SRPK2: variants seen among roughly 807,000 people sequenced by gnomAD.
The protein encoded by SRPK2 is SFRS protein kinase 2.
SRPK2 carries 21 observed loss-of-function variants against 90.8 expected under a neutral mutation model. The observed-to-expected ratio is 0.23, with a 90% CI of 0.16 to 0.33. SRPK2 has a LOEUF of 0.33. SRPK2 is among the 10% of genes least tolerant of loss of function. The pLI, the probability that SRPK2 is intolerant of heterozygous loss-of-function variation, is 1.00. For missense variants in SRPK2, 620 were observed against 869.0 expected (o/e 0.71, Z 3.60); for synonymous variants, 288 against 311.1 (o/e 0.93, Z 0.78).
chr7:105,168,175 C>G, intron 4 of SRPK2, 80 bp from the exon 5 acceptor site: 2 of 1,205,742 alleles, frequency 1.7e-6, no homozygotes, highest in East Asian at 5.2e-5. Context: ...TTGAGCATCC[C>G]TAATTGGAAA....
chr7:105,373,935 C>T (rs1819994747), intron 2 of SRPK2, among the ~76,000 whole-genome samples: 1 of 151,736 alleles, frequency 6.6e-6, no homozygotes, highest in Admixed American at 6.6e-5. Flanking sequence ...TCCCGACTTT[C>T]TTTCTTTTTT....
intron 2 of SRPK2, among the ~76,000 whole-genome samples, chr7:105,293,501 C>G (rs563376483): frequency 5.3e-5 from 8 of 152,010 alleles, no homozygotes; most frequent in Admixed American, 3.9e-4. Context: ...CTCCACCCCC[C>G]ACCCCGCCCC....
intron 2 of SRPK2, among the ~76,000 whole-genome samples, chr7:105,325,613 T>C (rs1813486059): frequency 6.7e-6 from 1 of 149,186 alleles, no homozygotes; most frequent in Non-Finnish European, 1.5e-5. Flanking sequence ...ATCTAAGTAC[T>C]TTAGGAGGCT....
chr7:105,245,246 C>T (rs1801484075), intron 2 of SRPK2, among the ~76,000 whole-genome samples: 1 of 152,096 alleles, frequency 6.6e-6, no homozygotes, highest in Non-Finnish European at 1.5e-5. Flanking sequence ...AGTCTCAGTA[C>T]AAAGGTCTAG....
At chr7:105,392,899 G>A (rs563820174), upstream of SRPK2, among the ~76,000 whole-genome samples, 12 of 150,086 alleles carry the variant, frequency 8.0e-5, no homozygotes, top group East Asian at 9.8e-4. Flanking sequence ...TGCAACCTCC[G>A]CCTCCCAGGT....
chr7:105,221,136 G>A (rs552771926), intron 2 of SRPK2, among the ~76,000 whole-genome samples: 1 of 152,078 alleles, frequency 6.6e-6, no homozygotes, highest in African/African-American at 2.4e-5. Context: ...CTCAACTCAC[G>A]ATGAGGAATA....
chr7:105,382,953 TTAAGA>T (rs1222265408), intron 2 of SRPK2, among the ~76,000 whole-genome samples: 6 of 151,898 alleles, frequency 4.0e-5, no homozygotes, highest in Non-Finnish European at 7.4e-5. Flanking sequence ...TGTTCTATGG[TTAAGA>T]TATCAACGTC....
chr7:105,353,544 T>A lies in SRPK2; in HGVS notation c.71+35104A>T, dbSNP rs117553351. ...TTGTTGTTGTTGTTGTTGTTGTTGTTTGGTGGAGACAGGGTTTTGTCACGT... is the reference window on the plus strand; with the variant it reads ...TTGTTGTTGTTGTTGTTGTTGTTGTATGGTGGAGACAGGGTTTTGTCACGT... On this transcript the variant is annotated intron_variant, in intron 2 of 15. Transcript: ENST00000393651. Among the ~76,000 whole-genome samples, 19 of 150,326 alleles carry A rather than the reference T, an allele frequency of 1.3e-4. No individual in the cohort carries two copies. The East Asian group carries it at 3.0e-3, about 23-fold the overall frequency.
At chr7:105,378,694 T>C (rs1050904479) in intron 2 of SRPK2, among the ~76,000 whole-genome samples, 2 of 147,320 alleles carry the variant, frequency 1.4e-5, no homozygotes, top group Admixed American at 1.4e-4. Flanking sequence ...ACTCAGGTGG[T>C]GGAGGTTGCA....
At chr7:105,125,943 A>G (rs758903029) in intron 15 of SRPK2, 2 of 812,424 alleles carry the variant, frequency 2.5e-6, no homozygotes, top group Admixed American at 5.3e-5. Flanking sequence ...GCATGCAGAC[A>G]CTACCACCGC....
Position 105,233,831 on chromosome 7 carries a change from G to A in SRPK2, c.72-30046C>T, listed in dbSNP as rs141961520. On this transcript the variant is annotated intron_variant, in intron 2 of 15. Coordinates refer to ENST00000393651, the MANE Select transcript of SRPK2 (RefSeq NM_182692.3). ...GCCAATGCACTCCAGCAGCCTCGGC[G>A]ACACAGCAAGACTCCGTCTCAAAAA... 2.6e-3 allele frequency among the ~76,000 whole-genome samples: 389 copies of A among 151,952 alleles called. 2 individuals carry two copies. The highest frequency in any genetic ancestry group is 8.9e-3 in the African/African-American group (367 of 41,434).
At chr7:105,120,209 A>G (rs1800138757) in intron 15 of SRPK2, among the ~76,000 whole-genome samples, 1 of 152,228 alleles carries the variant, frequency 6.6e-6, no homozygotes, top group Admixed American at 6.5e-5. Context: ...TTATGACATG[A>G]ATCTATTCTA....
chr7:105,222,742 T>C (rs1798252046), intron 2 of SRPK2, among the ~76,000 whole-genome samples: 1 of 152,220 alleles, frequency 6.6e-6, no homozygotes. Context: ...TTTACACTTA[T>C]GGCAAATATA....
At chr7:105,279,824 T>G (rs185436187) in intron 2 of SRPK2, among the ~76,000 whole-genome samples, 1 of 152,318 alleles carries the variant, frequency 6.6e-6, no homozygotes, top group East Asian at 1.9e-4. Context: ...ACCCTGACTC[T>G]GTCAAGTAGA....
At chr7:105,391,450 C>A (rs1822181274), upstream of SRPK2, among the ~76,000 whole-genome samples, 1 of 152,140 alleles carries the variant, frequency 6.6e-6, no homozygotes, top group African/African-American at 2.4e-5. Flanking sequence ...GGTGATCCAC[C>A]TTCCTTGGCT....
intron 2 of SRPK2, among the ~76,000 whole-genome samples, chr7:105,328,848 G>C (rs925373997): frequency 1.4e-5 from 2 of 145,614 alleles, no homozygotes; most frequent in African/African-American, 5.1e-5. Context: ...CTGGGTGACA[G>C]AGTGAGACTC....
chr7:105,142,785 A>G (rs1803983714), intron 10 of SRPK2, among the ~76,000 whole-genome samples: 1 of 152,250 alleles, frequency 6.6e-6, no homozygotes, highest in Non-Finnish European at 1.5e-5. Context: ...CTTGTGGTGC[A>G]TTACAGTTAG....
intron 3 of SRPK2, among the ~76,000 whole-genome samples, chr7:105,178,412 G>A (rs1421865855): frequency 1.3e-5 from 2 of 152,184 alleles, no homozygotes; most frequent in African/African-American, 4.8e-5. Context: ...GTCAATCTCT[G>A]TTATTACAGT....
At position 105,176,709 on chromosome 7, in the gene SRPK2, ATGTG is replaced by A. The variant is rs34930111; in HGVS notation, c.230-7448_230-7445del. The stretch of plus-strand genomic sequence containing the variant: ...TGTGTGTACATATATATGTATGTGT[ATGTG>A]TGTGTGTGTGTGTATGTATGTATGT... On this transcript the variant is annotated intron_variant, in intron 3 of 15. Coordinates refer to ENST00000393651, the MANE Select transcript of SRPK2 (RefSeq NM_182692.3). Among the ~76,000 whole-genome samples, 897 of 127,480 alleles carry A rather than the reference ATGTG, an allele frequency of 7.0e-3. 6 individuals are homozygous for A. Among genetic ancestry groups the A allele is most frequent in the African/African-American group, 0.021 (738 of 35,090 alleles). The allele number at this position is 127,480 out of a possible 152,430, so 83.6% of individuals were successfully genotyped here.
Sources: gnomAD v4.1 joint callset for allele counts (sites outside exome capture counted in the v4.1 genomes callset) on GRCh38, gnomAD v4.1.1 for gene constraint, MANE v1.5 for transcripts, NCBI Gene and HGNC (gene_info 2026-07-23, HGNC 2026-07-21) for gene names.